Variants in ARHGAP24 observed in about 807,000 individuals in gnomAD.
The protein encoded by ARHGAP24 is Rho GTPase activating protein 24.
Under a neutral mutation model 76.4 loss-of-function variants are expected in ARHGAP24, and 50 were observed. That is an observed-to-expected ratio of 0.65 (90% CI 0.52 to 0.83). The LOEUF is 0.83. ARHGAP24 is among the 40% of genes least tolerant of loss of function. The pLI is 0.00. For synonymous variants in ARHGAP24, 345 were observed against 323.3 expected, an observed-to-expected ratio of 1.07 and a Z score of -0.72; for missense variants, 930 against 914.2, an observed-to-expected ratio of 1.02 and a Z score of -0.22.
intron 2 of ARHGAP24, among the ~76,000 whole-genome samples, chr4:85,667,379 C>T (rs574407764): frequency 2.6e-5 from 4 of 152,256 alleles, no homozygotes; most frequent in East Asian, 1.9e-4. Flanking sequence ...GGGAGTGACC[C>T]GATTTTCCAG....
chr4:85,760,350 T>C (rs567306336), intron 3 of ARHGAP24, among the ~76,000 whole-genome samples: 6 of 152,354 alleles, frequency 3.9e-5, no homozygotes, highest in Non-Finnish European at 8.8e-5. Flanking sequence ...GAAAATGTTT[T>C]ATGACTGACC....
intron 3 of ARHGAP24, among the ~76,000 whole-genome samples, chr4:85,923,173 T>G (rs948451911): frequency 6.6e-6 from 1 of 152,124 alleles, no homozygotes; most frequent in Non-Finnish European, 1.5e-5. Flanking sequence ...GGCTCTTTAC[T>G]CTTTCCTGTA....
intron 5 of ARHGAP24, among the ~76,000 whole-genome samples, chr4:85,969,812 A>AT (rs1175895862): frequency 1.3e-5 from 2 of 152,220 alleles, no homozygotes; most frequent in African/African-American, 4.8e-5. Context: ...TTTTCAAACA[A>AT]TTTTTTGGAA....
chr4:85,971,009 A>G (rs1407931192), intron 5 of ARHGAP24, among the ~76,000 whole-genome samples: 11 of 152,190 alleles, frequency 7.2e-5, no homozygotes, highest in African/African-American at 2.7e-4. Flanking sequence ...CACTCAGAAG[A>G]GGATACAAAT....
chr4:85,655,492 A>G (rs1269454054), intron 2 of ARHGAP24, among the ~76,000 whole-genome samples: 1 of 141,010 alleles, frequency 7.1e-6, no homozygotes, highest in East Asian at 2.8e-4. Flanking sequence ...CTTTAAAATG[A>G]AAGTTTGGGG....
chr4:85,525,465 G>A (rs975022098), intron 1 of ARHGAP24, among the ~76,000 whole-genome samples: 8 of 151,214 alleles, frequency 5.3e-5, no homozygotes, highest in Admixed American at 1.3e-4. Context: ...GTTAGTTTAC[G>A]CAGTTCTGAT....
At chr4:85,665,611 G>A (rs532109019) in intron 2 of ARHGAP24, among the ~76,000 whole-genome samples, 32 of 152,244 alleles carry the variant, frequency 2.1e-4, no homozygotes, top group Middle Eastern at 3.4e-3. Flanking sequence ...TCCTAGCCTC[G>A]ATGGTCTTTA....
intron 3 of ARHGAP24, among the ~76,000 whole-genome samples, chr4:85,749,959 A>C (rs766834436): frequency 6.6e-6 from 1 of 151,988 alleles, no homozygotes; most frequent in Admixed American, 6.5e-5. Context: ...CAGCAGCAGC[A>C]GCAGCGGCAG....
intron 2 of ARHGAP24, among the ~76,000 whole-genome samples, chr4:85,696,088 G>C (rs997352017): frequency 1.9e-4 from 29 of 152,122 alleles, no homozygotes; most frequent in African/African-American, 7.0e-4. Context: ...ATATGAACTA[G>C]ATTGGGAGTG....
At chr4:85,518,381 C>A (rs1201930971) in intron 1 of ARHGAP24, among the ~76,000 whole-genome samples, 1 of 151,744 alleles carries the variant, frequency 6.6e-6, no homozygotes, top group Non-Finnish European at 1.5e-5. Flanking sequence ...TTTATATTTT[C>A]ATAAGTTATT....
At chr4:85,905,167 T>A (rs933429347) in intron 3 of ARHGAP24, among the ~76,000 whole-genome samples, 7 of 152,154 alleles carry the variant, frequency 4.6e-5, no homozygotes, top group Non-Finnish European at 8.8e-5. Flanking sequence ...TAAGAAAGGA[T>A]GCATTTCCAT....
intron 2 of ARHGAP24, among the ~76,000 whole-genome samples, chr4:85,637,740 T>C (rs1721380741): frequency 6.6e-6 from 1 of 152,114 alleles, no homozygotes; most frequent in African/African-American, 2.4e-5. Flanking sequence ...TTAAAATTAA[T>C]TTCACTTTTT....
chr4:85,548,989 A>T (rs370313168), intron 1 of ARHGAP24, among the ~76,000 whole-genome samples: 1 of 152,040 alleles, frequency 6.6e-6, no homozygotes, highest in East Asian at 1.9e-4. Flanking sequence ...TTATATGTAT[A>T]TCTACAGTTT....
intron 3 of ARHGAP24, among the ~76,000 whole-genome samples, chr4:85,854,150 A>C (rs867785885): frequency 9.2e-5 from 14 of 151,422 alleles, no homozygotes; most frequent in African/African-American, 3.4e-4. Flanking sequence ...AAAAAAAAAA[A>C]AAAAAGAAAA....
At chr4:85,722,070 G>A in intron 3 of ARHGAP24, 98 bp downstream of exon 3, 1 of 1,123,326 alleles carries the variant, frequency 8.9e-7, no homozygotes, top group South Asian at 1.3e-5. Flanking sequence ...AATCATGACT[G>A]AGAACCTTAA....
At chr4:85,697,913 A>G (rs1723930675) in intron 2 of ARHGAP24, among the ~76,000 whole-genome samples, 1 of 152,218 alleles carries the variant, frequency 6.6e-6, no homozygotes, top group Non-Finnish European at 1.5e-5. Flanking sequence ...TGAAAAAGCT[A>G]CAAAAACTTC....
At chr4:85,690,238 C>G (rs1158718495) in intron 2 of ARHGAP24, among the ~76,000 whole-genome samples, 2 of 151,966 alleles carry the variant, frequency 1.3e-5, no homozygotes, top group East Asian at 3.9e-4. Context: ...AGATATTCAT[C>G]AGAGATATTT....
chr4:85,923,703 C>T lies in ARHGAP24; in HGVS notation c.324C>T (p.Ser108=), dbSNP rs761926719. 9 of 1,613,960 alleles carry T rather than the reference C, an allele frequency of 5.6e-6. No individual in the cohort carries two copies. The highest frequency in any genetic ancestry group is 7.6e-6 in the Non-Finnish European group (9 of 1,179,956). The change falls in exon 4 of 10, where the codon AGC becomes AGT. Residue 108 remains serine, a synonymous_variant. Transcript: ENST00000395184. ...ANHESYLLMA[S]TQNDMEDWVK... ...ATGAAAGCTACCTCCTCATGGCAAG[C>T]ACCCAGAATGATATGGAAGACTGGG... is the stretch of plus-strand genomic sequence containing the variant.
At chr4:85,870,609 G>A (rs535626095) in intron 3 of ARHGAP24, among the ~76,000 whole-genome samples, 1 of 152,228 alleles carries the variant, frequency 6.6e-6, no homozygotes, top group East Asian at 1.9e-4. Context: ...TCTGTTTGGG[G>A]TGATACGAAC....
Sources: allele counts gnomAD v4.1 joint callset (sites outside exome capture counted in the v4.1 genomes callset), GRCh38; gene constraint gnomAD v4.1.1; transcripts MANE v1.5; gene names NCBI Gene and HGNC (gene_info 2026-07-23, HGNC 2026-07-21).